Variants in TBC1D22A observed in about 807,000 individuals in gnomAD.
The protein encoded by TBC1D22A is putative GTPase activator.
A neutral mutation model predicts 60.2 loss-of-function variants in TBC1D22A; 38 were observed. The ratio of observed to expected loss-of-function variants is 0.63; its 90% CI spans 0.49 to 0.83. The LOEUF (loss-of-function observed/expected upper bound fraction) is 0.83, where lower values mean the gene tolerates loss of function less well. Ranked by LOEUF, TBC1D22A falls within the 40% of genes least tolerant of loss-of-function variation. The probability of loss-of-function intolerance (pLI) is 0.00; values close to 1 mark genes in which losing one functional copy is unlikely to be tolerated. For missense variants in TBC1D22A, 628 were observed against 701.0 expected, an observed-to-expected ratio of 0.90 and a Z score of 1.18; for synonymous variants, 302 against 281.7, an observed-to-expected ratio of 1.07 and a Z score of -0.72.
intron 10 of TBC1D22A, among the ~76,000 whole-genome samples, chr22:47,033,541 A>C (rs1370749371): frequency 1.3e-5 from 2 of 151,990 alleles, no homozygotes; most frequent in Non-Finnish European, 2.9e-5. Context: ...CTGGACCCAC[A>C]CCTGACCAGC....
chr22:47,128,063 C>G (rs1342275747), intron 12 of TBC1D22A, among the ~76,000 whole-genome samples: 1,547 of 32,262 alleles, frequency 0.048, 307 homozygotes, highest in East Asian at 0.24. Flanking sequence ...ACCCATCCCC[C>G]CTCCCCTCAC....
At chr22:46,923,103 G>A (rs1371474887) in intron 8 of TBC1D22A, among the ~76,000 whole-genome samples, 1 of 152,142 alleles carries the variant, frequency 6.6e-6, no homozygotes, top group Non-Finnish European at 1.5e-5. Flanking sequence ...TTCCTTCAGC[G>A]TTACAGAGTA....
intron 4 of TBC1D22A, among the ~76,000 whole-genome samples, chr22:46,826,363 A>T (rs1004013675): frequency 6.6e-6 from 1 of 152,112 alleles, no homozygotes; most frequent in Admixed American, 6.5e-5. Flanking sequence ...ATATCTTAGT[A>T]CTCACATCTT....
chr22:47,127,542 C>T (rs553124290), intron 12 of TBC1D22A, among the ~76,000 whole-genome samples: 11 of 152,098 alleles, frequency 7.2e-5, no homozygotes, highest in South Asian at 6.2e-4. Context: ...TTTCTTTTGA[C>T]GTGGGCCTCC....
intron 4 of TBC1D22A, among the ~76,000 whole-genome samples, chr22:46,845,407 T>C (rs76453056): frequency 0.012 from 1,752 of 152,340 alleles, 47 homozygotes; most frequent in African/African-American, 0.039. Flanking sequence ...AACAGAGCTA[T>C]TATTATTCAT....
intron 1 of TBC1D22A, among the ~76,000 whole-genome samples, chr22:46,786,736 T>A (rs1018973881): frequency 5.9e-5 from 9 of 152,208 alleles, no homozygotes; most frequent in African/African-American, 2.2e-4. Flanking sequence ...TTGCCCACAC[T>A]TAAGCGCAGT....
chr22:46,864,603 T>C (rs1027699684), intron 4 of TBC1D22A, among the ~76,000 whole-genome samples: 5 of 152,224 alleles, frequency 3.3e-5, no homozygotes, highest in Non-Finnish European at 7.3e-5. Flanking sequence ...AATCATCTTT[T>C]GGATTGGTGG....
Position 46,870,033 on chromosome 22 carries a change from C to A in TBC1D22A, c.638-8620C>A, listed in dbSNP as rs184667772. On this transcript the variant is annotated intron_variant, in intron 4 of 12. Coordinates refer to ENST00000337137, the MANE Select transcript of TBC1D22A (RefSeq NM_014346.5). Reference sequence around the variant, plus strand: ...TGTGCTGAATAACTGCATCTGTCAGCATAACAGAAGCGTGCTCTTGGATTT... The same window carrying A: ...TGTGCTGAATAACTGCATCTGTCAGAATAACAGAAGCGTGCTCTTGGATTT... Among the ~76,000 whole-genome samples the A allele has an allele frequency of 1.8e-3, 271 of 152,362 alleles. 1 individual carries two copies. Among genetic ancestry groups the A allele is most frequent in the African/African-American group, 6.2e-3 (259 of 41,588 alleles).
At chr22:46,886,716 T>C (rs547553793) in intron 5 of TBC1D22A, among the ~76,000 whole-genome samples, 2 of 152,350 alleles carry the variant, frequency 1.3e-5, no homozygotes, top group South Asian at 2.1e-4. Flanking sequence ...CAGTGTCACC[T>C]TCAAAATGGA....
intron 4 of TBC1D22A, among the ~76,000 whole-genome samples, chr22:46,814,250 G>T (rs2085499299): frequency 6.6e-6 from 1 of 152,198 alleles, no homozygotes; most frequent in African/African-American, 2.4e-5. Flanking sequence ...GTGGGGTGTG[G>T]AGTCCTTGAT....
At chr22:46,897,574 C>G (rs4823888) in intron 7 of TBC1D22A, among the ~76,000 whole-genome samples, 104,245 of 150,622 alleles carry the variant, frequency 0.69, 36,548 homozygotes, top group Middle Eastern at 0.86. Flanking sequence ...ATTGTGAAGG[C>G]AGTAGCCTCT....
At chr22:47,168,398 G>A (rs182693785) in intron 12 of TBC1D22A, among the ~76,000 whole-genome samples, 2 of 150,874 alleles carry the variant, frequency 1.3e-5, no homozygotes, top group African/African-American at 4.9e-5. Flanking sequence ...GAGATGCTGG[G>A]GAGAACTCAC....
intron 12 of TBC1D22A, among the ~76,000 whole-genome samples, chr22:47,128,472 C>T (rs1250591507): frequency 6.8e-6 from 1 of 146,306 alleles, no homozygotes; most frequent in Non-Finnish European, 1.5e-5. Context: ...CCCTGAGTGG[C>T]ATCTTCCAGG....
chr22:47,157,655 C>CT (rs2067780291), intron 12 of TBC1D22A, among the ~76,000 whole-genome samples: 1 of 152,212 alleles, frequency 6.6e-6, no homozygotes, highest in South Asian at 2.1e-4. Context: ...TGCAGTTGCC[C>CT]TTTCCGGTTC....
chr22:46,893,481 T>A (rs2068510406), intron 6 of TBC1D22A, among the ~76,000 whole-genome samples: 1 of 152,146 alleles, frequency 6.6e-6, no homozygotes, highest in African/African-American at 2.4e-5. Flanking sequence ...CCTCGTCTGC[T>A]CAATAAATGT....
At chr22:46,825,620 T>C (rs576663678) in intron 4 of TBC1D22A, among the ~76,000 whole-genome samples, 1 of 152,096 alleles carries the variant, frequency 6.6e-6, no homozygotes, top group East Asian at 2.0e-4. Flanking sequence ...ATTACAAGCA[T>C]ACACCACCAT....
chr22:46,792,676 C>T lies in TBC1D22A; in HGVS notation c.119+100C>T, dbSNP rs1225341643. ...TTCCTTCCTGCTCCCAGGCATTCCT[C>T]AGGGAGGAGACTGGTTTCTCATTCA... On this transcript the variant is annotated intron_variant, in intron 2 of 12. Transcript: ENST00000337137. 10 of 1,609,200 alleles carry T rather than the reference C, an allele frequency of 6.2e-6. No individual in the cohort carries two copies. In the East Asian group the frequency reaches 6.7e-5, roughly 11 times the overall value.
intron 1 of TBC1D22A, among the ~76,000 whole-genome samples, chr22:46,784,025 A>G (rs1454290663): frequency 1.3e-5 from 2 of 152,194 alleles, no homozygotes; most frequent in Admixed American, 1.3e-4. Context: ...AAGCAGTTTA[A>G]TTCATTAAAA....
intron 11 of TBC1D22A, among the ~76,000 whole-genome samples, chr22:47,049,092 A>G (rs2063120827): frequency 6.6e-6 from 1 of 152,208 alleles, no homozygotes; most frequent in Non-Finnish European, 1.5e-5. Context: ...GGCCGGGAAG[A>G]GGAGGCCGGC....
Sources: gnomAD v4.1 joint callset for allele counts (sites outside exome capture counted in the v4.1 genomes callset) on GRCh38, gnomAD v4.1.1 for gene constraint, MANE v1.5 for transcripts, NCBI Gene and HGNC (gene_info 2026-07-23, HGNC 2026-07-21) for gene names.